The following SLC35F1 variants were observed in gnomAD, a reference collection of about 807,000 sequenced individuals.
The protein encoded by SLC35F1 is solute carrier family 35 member F1, also known as chromosome 6 open reading frame 169.
Under a neutral mutation model 48.7 loss-of-function variants are expected in SLC35F1, and 14 were observed. The observed-to-expected ratio is 0.29, with a 90% CI of 0.19 to 0.45. The LOEUF is 0.45. Ranked by LOEUF, SLC35F1 falls within the 20% of genes least tolerant of loss-of-function variation. SLC35F1 has a pLI of 1.00. For missense variants in SLC35F1, 404 were observed against 500.0 expected (o/e 0.81, Z 1.83); for synonymous variants, 190 against 202.2 (o/e 0.94, Z 0.51).
intron 1 of SLC35F1, among the ~76,000 whole-genome samples, chr6:117,986,375 A>T (rs1776848033): frequency 6.6e-6 from 1 of 152,166 alleles, no homozygotes; most frequent in Non-Finnish European, 1.5e-5. Flanking sequence ...TACTACCCTA[A>T]TTGTTCATGT....
intron 2 of SLC35F1, among the ~76,000 whole-genome samples, chr6:118,178,508 C>T (rs898390800): frequency 1.3e-5 from 2 of 151,864 alleles, no homozygotes; most frequent in Non-Finnish European, 2.9e-5. Context: ...TGCTTTTTAC[C>T]TATCATTTAC....
chr6:118,160,110 T>C (rs534566335), intron 2 of SLC35F1, among the ~76,000 whole-genome samples: 8 of 152,272 alleles, frequency 5.3e-5, no homozygotes, highest in Non-Finnish European at 7.4e-5. Context: ...CCTCAACTCA[T>C]AGTGGTAGGG....
intron 1 of SLC35F1, among the ~76,000 whole-genome samples, chr6:117,925,978 T>G (rs1776021929): frequency 6.6e-6 from 1 of 152,132 alleles, no homozygotes; most frequent in Non-Finnish European, 1.5e-5. Flanking sequence ...TTGCCCAGGC[T>G]GGGGCTGGCA....
intron 1 of SLC35F1, among the ~76,000 whole-genome samples, chr6:117,978,573 TC>T: frequency 6.6e-6 from 1 of 152,280 alleles, no homozygotes; most frequent in African/African-American, 2.4e-5. Flanking sequence ...GTTATTTTCT[TC>T]ACTGGCCCTT....
At chr6:117,949,399 C>A (rs1330085977) in intron 1 of SLC35F1, among the ~76,000 whole-genome samples, 1 of 152,166 alleles carries the variant, frequency 6.6e-6, no homozygotes, top group Non-Finnish European at 1.5e-5. Context: ...CCTCTCTTGG[C>A]ACACCTGCTG....
At chr6:118,075,410 A>G (rs1350236961) in intron 1 of SLC35F1, among the ~76,000 whole-genome samples, 1 of 152,232 alleles carries the variant, frequency 6.6e-6, no homozygotes, top group Non-Finnish European at 1.5e-5. Context: ...GCATCACTAA[A>G]TAGTCCATCA....
chr6:118,026,735 T>A (rs1213014618), intron 1 of SLC35F1, among the ~76,000 whole-genome samples: 1 of 152,210 alleles, frequency 6.6e-6, no homozygotes, highest in Non-Finnish European at 1.5e-5. Flanking sequence ...AGTTAATGAG[T>A]TTGGGATGAA....
intron 2 of SLC35F1, among the ~76,000 whole-genome samples, chr6:118,220,305 G>C (rs968933870): frequency 6.6e-6 from 1 of 152,110 alleles, no homozygotes; most frequent in African/African-American, 2.4e-5. Flanking sequence ...GGGTCAAATT[G>C]AGGAAATTTC....
At chr6:117,976,365 A>G (rs761448997) in intron 1 of SLC35F1, among the ~76,000 whole-genome samples, 1 of 152,196 alleles carries the variant, frequency 6.6e-6, no homozygotes, top group Non-Finnish European at 1.5e-5. Context: ...TAGAAGAGTA[A>G]TTTCAAATTT....
intron 1 of SLC35F1, among the ~76,000 whole-genome samples, chr6:118,028,710 T>G (rs1383368444): frequency 6.6e-6 from 1 of 152,046 alleles, no homozygotes; most frequent in Admixed American, 6.6e-5. Context: ...AATCAGGCAT[T>G]AAAGATAATT....
At chr6:118,189,536 G>T (rs1774705031) in intron 2 of SLC35F1, among the ~76,000 whole-genome samples, 1 of 152,064 alleles carries the variant, frequency 6.6e-6, no homozygotes, top group East Asian at 1.9e-4. Context: ...CAGATATATG[G>T]TTCACAAATG....
chr6:117,911,127 G>A (rs984116828), intron 1 of SLC35F1, among the ~76,000 whole-genome samples: 1 of 152,116 alleles, frequency 6.6e-6, no homozygotes, highest in Non-Finnish European at 1.5e-5. Flanking sequence ...CCCTTTCTGT[G>A]AAACAGTTAG....
chr6:118,007,191 G>A (rs1057446976), intron 1 of SLC35F1, among the ~76,000 whole-genome samples: 5 of 152,016 alleles, frequency 3.3e-5, no homozygotes, highest in African/African-American at 4.8e-5. Flanking sequence ...TTGCTGAAGC[G>A]GGGACTCTCT....
chr6:118,187,436 C>A (rs968547399), intron 2 of SLC35F1, among the ~76,000 whole-genome samples: 1 of 152,124 alleles, frequency 6.6e-6, no homozygotes, highest in African/African-American at 2.4e-5. Context: ...GAAAGTGAAA[C>A]AACAAAAAGA....
intron 7 of SLC35F1, among the ~76,000 whole-genome samples, chr6:118,309,170 TGTG>T (rs1776344778): frequency 1.0e-4 from 1 of 9,700 alleles, no homozygotes; most frequent in African/African-American, 1.7e-3. Flanking sequence ...GGCCTGTAGA[TGTG>T]TGTGTGTGTG....
chr6:118,166,675 C>T (rs1774322772), intron 2 of SLC35F1, among the ~76,000 whole-genome samples: 1 of 152,158 alleles, frequency 6.6e-6, no homozygotes, highest in African/African-American at 2.4e-5. Flanking sequence ...ATGTAGAAGT[C>T]TCTGCACTGT....
intron 2 of SLC35F1, among the ~76,000 whole-genome samples, chr6:118,232,968 T>A (rs1166821822): frequency 7.7e-6 from 1 of 129,518 alleles, no homozygotes; most frequent in Admixed American, 7.4e-5. Context: ...TTAGGACTTT[T>A]CTGGTTTTTT....
chr6:118,168,883 T>C (rs528122144), intron 2 of SLC35F1, among the ~76,000 whole-genome samples: 7 of 152,284 alleles, frequency 4.6e-5, no homozygotes, highest in African/African-American at 1.7e-4. Context: ...GTGGAAGATA[T>C]CAGGGTTCAT....
At chr6:118,178,273 C>T (rs374914608) in intron 2 of SLC35F1, among the ~76,000 whole-genome samples, 42 of 152,162 alleles carry the variant, frequency 2.8e-4, no homozygotes, top group African/African-American at 9.6e-4. Context: ...CTCACTTTCT[C>T]CTCCACACCT....
Sources: allele counts gnomAD v4.1 joint callset (sites outside exome capture counted in the v4.1 genomes callset), GRCh38; gene constraint gnomAD v4.1.1; transcripts MANE v1.5; gene names NCBI Gene and HGNC (gene_info 2026-07-23, HGNC 2026-07-21).